The following SLC28A2 variants were observed in gnomAD, a reference collection of about 807,000 sequenced individuals.
The protein encoded by SLC28A2 is solute carrier family 28 member 2.
In SLC28A2, 69 loss-of-function variants were observed where a neutral mutation model predicts 72.9. The ratio of observed to expected loss-of-function variants is 0.95; its 90% CI spans 0.78 to 1.16. SLC28A2 has a LOEUF of 1.16. Among genes scored for constraint, SLC28A2 ranks in the 50% most tolerant of loss-of-function variants. The pLI is 0.00. For synonymous variants in SLC28A2, 296 were observed against 294.1 expected (o/e 1.01, Z -0.07); for missense variants, 745 against 791.1 (o/e 0.94, Z 0.70).
intron 3 of SLC28A2, 104 bp downstream of exon 3, chr15:45,253,624 T>TACATATATATATGTAC (rs1276720081): frequency 4.2e-5 from 27 of 645,786 alleles, no homozygotes; most frequent in Non-Finnish European, 7.0e-5. Flanking sequence ...TTACCATGTG[T>TACATATATATATGTAC]ACATATATAT....
At position 45,270,273 on chromosome 15, in the gene SLC28A2, T is replaced by C; in HGVS notation, c.1645T>C (p.Leu549=). ...TTCCATAGGAATCACACTTGGAGGC[T>C]TGAGTGAGTTCATCCATTTTCCCAG... is the stretch of plus-strand genomic sequence containing the variant. ...LSSIGITLGG[L]TSIVPHRKSD... Residue 549 remains leucine, a synonymous_variant, in exon 15 of 18, where the codon TTG becomes CTG. Coordinates refer to ENST00000347644, the MANE Select transcript of SLC28A2 (RefSeq NM_004212.4). 5 of 1,607,140 alleles carry C rather than the reference T, an allele frequency of 3.1e-6. No homozygotes were observed. Among genetic ancestry groups the C allele is most frequent in the Non-Finnish European group, 4.3e-6 (5 of 1,173,686 alleles).
intron 3 of SLC28A2, among the ~76,000 whole-genome samples, chr15:45,259,987 G>A (rs769400692): frequency 3.3e-5 from 5 of 152,100 alleles, no homozygotes; most frequent in African/African-American, 4.8e-5. Context: ...CTAGTACATC[G>A]GTTTAGGTCC....
In SLC28A2 at chr15:45,277,408, T is replaced by C. The variant is rs1900782885; in HGVS notation, c.*1895T>C. The C allele has an allele frequency of 6.6e-6, 1 of 151,704 alleles. No individual in the cohort carries two copies. The highest frequency in any genetic ancestry group is 1.5e-5 in the Non-Finnish European group (1 of 67,952). 9.4% of individuals were successfully genotyped at this position (151,704 alleles called of 1,614,324 possible). ...ATGTTCACAGTAGCACTATTCAAAA[T>C]AGCCAAAAATTGGAAACAGTCTAAA... On this transcript the variant is annotated 3_prime_UTR_variant, in exon 18 of 18. Coordinates refer to ENST00000347644, the MANE Select transcript of SLC28A2 (RefSeq NM_004212.4).
In SLC28A2 at chr15:45,268,296, C is replaced by T. The variant is rs556099849; in HGVS notation, c.1286C>T (p.Ala429Val). ...LATNVAANLI[A>V]FLAVLAFINA... ...ACTAATGTAGCAGCCAACCTGATTG[C>T]CTTTTTGGCTGTGTTGGCCTTCATC... Residue 429 changes from alanine (A) to valine (V), a missense_variant, in exon 13 of 18, where the codon GCC (alanine) becomes GTC (valine). Ala to Val is a moderately conservative substitution (Grantham distance 64, BLOSUM62 0). Transcript: ENST00000347644. 1 of 1,612,764 alleles carries T rather than the reference C, an allele frequency of 6.2e-7. No individual in the cohort carries two copies. Among genetic ancestry groups the T allele is most frequent in the South Asian group, 1.1e-5 (1 of 91,030 alleles).
At chr15:45,255,850 T>C (rs1337380008) in intron 3 of SLC28A2, 2 of 152,234 alleles carry the variant, frequency 1.3e-5, no homozygotes, top group Non-Finnish European at 2.9e-5. Flanking sequence ...TATATAGTTT[T>C]AATTTTTAGT....
At chr15:45,262,979 C>T in intron 4 of SLC28A2, 82 bp from the exon 5 acceptor site, 1 of 1,220,270 alleles carries the variant, frequency 8.2e-7, no homozygotes, top group Non-Finnish European at 1.2e-6. Flanking sequence ...TGCTCTAAGT[C>T]CCAGGCATTC....
rs1337588422 is a variant in SLC28A2 at position 45,267,710 on chromosome 15, T to C, written c.1113T>C (p.Pro371=). 2 of 1,614,004 alleles carry C rather than the reference T, an allele frequency of 1.2e-6. No homozygotes were observed. Among genetic ancestry groups the C allele is most frequent in the South Asian group, 1.1e-5 (1 of 91,082 alleles). ...SLISASVMAA[P]CALASSKLAY... ...TTTCTGCCTCTGTGATGGCCGCCCC[T>C]TGTGCTCTCGCCTCATCAAAGCTAG... The change falls in exon 12 of 18, where the codon CCT becomes CCC. Residue 371 remains proline, a synonymous_variant. Transcript: ENST00000347644.
Position 45,264,731 on chromosome 15 carries a change from G to A in SLC28A2, c.665G>A (p.Gly222Glu). The change falls in exon 7 of 18, where the codon GGA becomes GAA. Residue 222 changes from glycine to glutamate, a missense_variant. Physicochemically the swap from Gly to Glu is moderately conservative, Grantham distance 98. Coordinates refer to ENST00000347644, the MANE Select transcript of SLC28A2 (RefSeq NM_004212.4). ...FGILVIRTDL[G>E]YTVFQWLGEQ... ...ATCTTGGTCATCAGAACTGATCTTG[G>A]ATATACTGTATTTCAGTGGCTGGGA... is the stretch of plus-strand genomic sequence containing the variant. 1.2e-6 allele frequency: 2 copies of A among 1,613,708 alleles called. No homozygotes were observed. The highest frequency in any genetic ancestry group is 1.7e-6 in the Non-Finnish European group (2 of 1,179,654).
Position 45,275,704 on chromosome 15 carries a change from G to C in SLC28A2, c.*191G>C, listed in dbSNP as rs1189117056. On this transcript the variant is annotated 3_prime_UTR_variant, in exon 18 of 18. Transcript: ENST00000347644. ...TAATCCCAGCACTTTGGGAGGCCGA[G>C]GCGGGCGGATCACAAGGTCAGGAGA... 5.9e-6 allele frequency: 3 copies of C among 508,998 alleles called. No individual in the cohort carries two copies. The highest frequency in any genetic ancestry group is 3.9e-5 in the African/African-American group (2 of 51,156). The allele number at this position is 508,998 out of a possible 1,614,324, so 31.5% of individuals were successfully genotyped here. A position where few individuals can be genotyped will look rare whatever the true frequency, so the allele number is the denominator to read the frequency against.
intron 6 of SLC28A2, 63 bp from the exon 7 acceptor site, chr15:45,264,592 A>C: frequency 5.2e-6 from 6 of 1,156,318 alleles, no homozygotes; most frequent in Non-Finnish European, 6.5e-6. Flanking sequence ...TACATGTTTA[A>C]AACTCCAACC....
intron 3 of SLC28A2, among the ~76,000 whole-genome samples, chr15:45,261,452 C>T (rs774517011): frequency 5.3e-5 from 8 of 152,212 alleles, no homozygotes; most frequent in Non-Finnish European, 1.2e-4. Context: ...TTAGAAAGAG[C>T]TCAGCATAGA....
intron 3 of SLC28A2, among the ~76,000 whole-genome samples, chr15:45,256,437 C>T (rs12908581): frequency 0.43 from 65,278 of 151,742 alleles, 18,184 homozygotes; most frequent in Non-Finnish European, 0.63. Context: ...TTTTTGGAAA[C>T]GGAGTCTCAC....
At chr15:45,266,829 T>A (rs895372067) in intron 10 of SLC28A2, among the ~76,000 whole-genome samples, 3 of 152,222 alleles carry the variant, frequency 2.0e-5, no homozygotes, top group Non-Finnish European at 4.4e-5. Flanking sequence ...TGTGAGACTA[T>A]AAGCTTCTAA....
At chr15:45,255,167 G>A (rs1347162491) in intron 3 of SLC28A2, 1 of 151,466 alleles carries the variant, frequency 6.6e-6, no homozygotes, top group Non-Finnish European at 1.5e-5. Flanking sequence ...GAGGTGGGAG[G>A]ATCACTTGAG....
chr15:45,263,554 C>G (rs1273273473), intron 5 of SLC28A2, among the ~76,000 whole-genome samples: 3 of 152,190 alleles, frequency 2.0e-5, no homozygotes, highest in Non-Finnish European at 4.4e-5. Context: ...CAGAACAGAG[C>G]CTTGCAGCTA....
chr15:45,258,490 A>T (rs1900047007), intron 3 of SLC28A2, among the ~76,000 whole-genome samples: 1 of 152,182 alleles, frequency 6.6e-6, no homozygotes. Context: ...GTTTCCTTTC[A>T]GTCAGCCTCC....
At chr15:45,262,573 G>A (rs1295307002) in intron 4 of SLC28A2, among the ~76,000 whole-genome samples, 1 of 152,174 alleles carries the variant, frequency 6.6e-6, no homozygotes, top group Non-Finnish European at 1.5e-5. Context: ...TGGGATGGTG[G>A]GAGCAAAAAT....
rs772025078 is a variant in SLC28A2 at position 45,265,080 on chromosome 15, T to TC, written c.703-6dup. 2 of 1,602,864 alleles carry TC rather than the reference T, an allele frequency of 1.2e-6. No individual in the cohort carries two copies. The highest frequency in any genetic ancestry group is 3.3e-5 in the Admixed American group (2 of 59,990). On this transcript the variant is annotated splice_polypyrimidine_tract_variant and intron_variant, in intron 7 of 17. Transcript: ENST00000347644. Reference sequence around the variant, plus strand: ...CTTATTCTCTGTCTTTTTCTTTTTTTCCCTTCAGATTTTCCTGAACTACAC... The same window carrying TC: ...CTTATTCTCTGTCTTTTTCTTTTTTTCCCCTTCAGATTTTCCTGAACTACAC...
In SLC28A2 at chr15:45,275,742, T is replaced by TG; in HGVS notation, c.*231dup. 2.8e-6 allele frequency: 1 copy of TG among 353,472 alleles called. No homozygotes were observed. Among genetic ancestry groups the TG allele is most frequent in the Non-Finnish European group, 5.2e-6 (1 of 192,730 alleles). The allele number at this position is 353,472 out of a possible 1,614,324, so 21.9% of individuals were successfully genotyped here. Reference sequence around the variant, plus strand: ...CAAGGTCAGGAGATCGAGACCATCCTGGCTAACACAGTGAAACCCCGTCTC... The same window carrying TG: ...CAAGGTCAGGAGATCGAGACCATCCTGGGCTAACACAGTGAAACCCCGTCTC... On this transcript the variant is annotated 3_prime_UTR_variant, in exon 18 of 18. Transcript: ENST00000347644.
Sources: allele counts gnomAD v4.1 joint callset (sites outside exome capture counted in the v4.1 genomes callset), GRCh38; gene constraint gnomAD v4.1.1; transcripts MANE v1.5; gene names NCBI Gene and HGNC (gene_info 2026-07-23, HGNC 2026-07-21).